Variants in CEP164 observed in about 807,000 individuals in gnomAD.
The protein encoded by CEP164 is centrosomal protein 164.
A neutral mutation model predicts 182.7 loss-of-function variants in CEP164; 162 were observed. That is an observed-to-expected ratio of 0.89 (90% CI 0.78 to 1.01). CEP164 has a LOEUF of 1.01. Ranked by LOEUF, CEP164 falls within the 50% of genes least tolerant of loss-of-function variation. The pLI, the probability that CEP164 is intolerant of heterozygous loss-of-function variation, is 0.00. For synonymous variants in CEP164, 661 were observed against 690.0 expected (o/e 0.96, Z 0.66); for missense variants, 1,735 against 1,790.4 (o/e 0.97, Z 0.56).
intron 3 of CEP164, among the ~76,000 whole-genome samples, chr11:117,339,392 G>A (rs1420494022): frequency 1.3e-5 from 2 of 151,978 alleles, no homozygotes; most frequent in East Asian, 1.9e-4. Context: ...TCCTAAGCAC[G>A]AACTTAGAGC....
chr11:117,396,419 T>C (rs2045470462), intron 25 of CEP164, 131 bp from the exon 26 acceptor site: 2 of 849,606 alleles, frequency 2.4e-6, no homozygotes, highest in East Asian at 4.8e-5. Context: ...ATGATATCTA[T>C]AAGTAAACAG....
chr11:117,381,174 A>G (rs1442991612), intron 12 of CEP164, among the ~76,000 whole-genome samples: 2 of 152,168 alleles, frequency 1.3e-5, no homozygotes, highest in Non-Finnish European at 2.9e-5. Flanking sequence ...TGAGAGTGCA[A>G]CTGTGTGTGA....
chr11:117,390,930 A>G (rs777115328), intron 16 of CEP164, 22 bp downstream of exon 16: 2 of 1,613,784 alleles, frequency 1.2e-6, no homozygotes, highest in East Asian at 2.2e-5. Context: ...CTTACCTGTG[A>G]GCTGCCCAGC....
chr11:117,355,835 C>G, intron 5 of CEP164: 1 of 1,074,490 alleles, frequency 9.3e-7, no homozygotes, highest in Non-Finnish European at 1.1e-6. Flanking sequence ...ACCTCAGGGT[C>G]TCTTGCTAAT....
intron 30 of CEP164, chr11:117,410,622 T>C (rs535609764): frequency 6.0e-6 from 3 of 497,486 alleles, no homozygotes; most frequent in Non-Finnish European, 1.1e-5. Flanking sequence ...GGAAACAAAA[T>C]ATCTTCTTTT....
In CEP164 at chr11:117,351,975, C is replaced by T. The variant is rs143659874; in HGVS notation, c.380C>T (p.Pro127Leu). 1,281 of 1,581,124 alleles carry T rather than the reference C, an allele frequency of 8.1e-4. 2 individuals are homozygous for T. Among genetic ancestry groups the T allele is most frequent in the Non-Finnish European group, 1.0e-3 (1,184 of 1,163,256 alleles). ...AAAGACAAGAAGGACAGAGACCCCCCCAAAAGTTCGCTGGTGAGTCAGTGG... is the reference window on the plus strand; with the variant it reads ...AAAGACAAGAAGGACAGAGACCCCCTCAAAAGTTCGCTGGTGAGTCAGTGG... ...EKKDKKDRDP[P>L]KSSLALGSSL... Residue 127 changes from proline (P) to leucine (L), a missense_variant, in exon 5 of 33, where the codon CCC becomes CTC. Coordinates refer to ENST00000278935, the MANE Select transcript of CEP164 (RefSeq NM_014956.5).
At chr11:117,398,649 A>T (rs914449122) in intron 27 of CEP164, among the ~76,000 whole-genome samples, 1 of 152,234 alleles carries the variant, frequency 6.6e-6, no homozygotes, top group Non-Finnish European at 1.5e-5. Context: ...CGCAGGCTCA[A>T]CACCACATGG....
At chr11:117,359,568 G>C in intron 5 of CEP164, 1 of 985,426 alleles carries the variant, frequency 1.0e-6, no homozygotes, top group Non-Finnish European at 1.2e-6. Context: ...CAGGTGAGAA[G>C]ATGGATCTTC....
At chr11:117,354,022 C>CTTTT (rs777619340) in intron 5 of CEP164, among the ~76,000 whole-genome samples, 39 of 142,166 alleles carry the variant, frequency 2.7e-4, no homozygotes, top group African/African-American at 9.8e-4. Flanking sequence ...TCTTCTTCTT[C>CTTTT]TTTTTTTTTT....
At chr11:117,329,722 G>A (rs931020296) in intron 1 of CEP164, among the ~76,000 whole-genome samples, 1 of 151,802 alleles carries the variant, frequency 6.6e-6, no homozygotes, top group African/African-American at 2.4e-5. Context: ...TTTGTATTTT[G>A]GTAGAGACGG....
chr11:117,388,229 C>T (rs1032330447), intron 15 of CEP164, among the ~76,000 whole-genome samples: 10 of 152,318 alleles, frequency 6.6e-5, no homozygotes, highest in South Asian at 4.1e-4. Flanking sequence ...GCTGACTGTG[C>T]TTTCCATCTC....
chr11:117,359,728 A>G (rs544352704), intron 5 of CEP164, among the ~76,000 whole-genome samples: 46 of 152,314 alleles, frequency 3.0e-4, no homozygotes, highest in African/African-American at 1.1e-3. Context: ...CCAGATTGCC[A>G]TCCTTGCTTC....
chr11:117,354,571 C>T (rs2040084829), intron 5 of CEP164, among the ~76,000 whole-genome samples: 1 of 152,112 alleles, frequency 6.6e-6, no homozygotes, highest in Non-Finnish European at 1.5e-5. Context: ...CTGAACTTCC[C>T]AGGTTCCATG....
intron 10 of CEP164, 23 bp from the exon 11 acceptor site, chr11:117,375,685 C>T: frequency 6.2e-7 from 1 of 1,611,464 alleles, no homozygotes. Context: ...CAGAGTTGAC[C>T]TTTGCATCTC....
chr11:117,344,028 T>G (rs191094703), intron 3 of CEP164, 138 bp from the exon 4 acceptor site: 1 of 600,682 alleles, frequency 1.7e-6, no homozygotes, highest in East Asian at 2.8e-5. Flanking sequence ...AAGGAAACAA[T>G]TATATATGTT....
In CEP164 at chr11:117,386,969, A is replaced by G. The variant is rs1269967579; in HGVS notation, c.1725-234A>G. ...CTCGTAAGTCTGCTGAGAGCCTGCT[A>G]TGGGCTACCCTTCTCCCTAGGCTCT... On this transcript the variant is annotated intron_variant, in intron 14 of 32. Transcript: ENST00000278935. The G allele has an allele frequency of 9.5e-6, 5 of 526,116 alleles. No individual in the cohort carries two copies. The African/African-American group carries it at 9.5e-5, about 10-fold the overall frequency. 32.6% of individuals were successfully genotyped at this position (526,116 alleles called of 1,614,324 possible). A position where few individuals can be genotyped will look rare whatever the true frequency, so the allele number is the denominator to read the frequency against.
At chr11:117,338,792 C>T (rs367990015) in intron 3 of CEP164, 124 bp downstream of exon 3, 37 of 750,190 alleles carry the variant, frequency 4.9e-5, no homozygotes, top group African/African-American at 1.6e-4. Context: ...TTAGTATATT[C>T]GGGTTAGATC....
chr11:117,349,338 G>T (rs1421373938), intron 4 of CEP164, among the ~76,000 whole-genome samples: 2 of 152,200 alleles, frequency 1.3e-5, no homozygotes, highest in East Asian at 3.9e-4. Flanking sequence ...TGGACATTTG[G>T]TCTTCTTTCT....
At chr11:117,377,264 G>T (rs2042855575) in intron 11 of CEP164, among the ~76,000 whole-genome samples, 1 of 152,172 alleles carries the variant, frequency 6.6e-6, no homozygotes, top group South Asian at 2.1e-4. Context: ...CACAGATCAC[G>T]ATAGGGTTCA....
Sources: allele counts gnomAD v4.1 joint callset (sites outside exome capture counted in the v4.1 genomes callset), GRCh38; gene constraint gnomAD v4.1.1; transcripts MANE v1.5; gene names NCBI Gene and HGNC (gene_info 2026-07-23, HGNC 2026-07-21).